Variants in FGF13 observed in about 807,000 individuals in gnomAD.
FGF13 encodes fibroblast growth factor homologous factor 2.
In FGF13, 2 loss-of-function variants were observed where a neutral mutation model predicts 19.5. That is an observed-to-expected ratio of 0.10 (90% CI 0.04 to 0.32). The LOEUF is 0.32. Ranked by LOEUF, FGF13 falls within the 10% of genes least tolerant of loss-of-function variation. The pLI, the probability that FGF13 is intolerant of heterozygous loss-of-function variation, is 1.00. For synonymous variants in FGF13, 72 were observed against 76.9 expected (o/e 0.94, Z 0.33); for missense variants, 113 against 192.7 (o/e 0.59, Z 2.45).
chrX:139,008,102 A>G (rs1222718728), intron 1 of FGF13, among the ~76,000 whole-genome samples: 1 of 112,100 alleles, frequency 8.9e-6, no homozygotes, highest in Admixed American at 9.4e-5. Flanking sequence ...TATAACTCCA[A>G]TGGACTGGGA....
intron 3 of FGF13, among the ~76,000 whole-genome samples, chrX:138,643,585 C>T (rs1297631907): frequency 1.8e-5 from 2 of 111,864 alleles, no homozygotes; most frequent in African/African-American, 3.3e-5. Flanking sequence ...ATTGTTTAGG[C>T]AATCCAATTA....
chrX:138,791,304 C>T (rs181825848), intron 3 of FGF13, among the ~76,000 whole-genome samples: 1 of 111,859 alleles, frequency 8.9e-6, no homozygotes, highest in African/African-American at 3.2e-5. Flanking sequence ...AGAACCAATC[C>T]TTCATAAGTA....
intron 1 of FGF13, among the ~76,000 whole-genome samples, chrX:138,868,107 G>C (rs751458181): frequency 8.9e-6 from 1 of 111,739 alleles, no homozygotes; most frequent in Non-Finnish European, 1.9e-5. Flanking sequence ...TGTTCAATAT[G>C]TGACTGGCTT....
At chrX:139,106,706 CA>C (rs1459797306) in intron 1 of FGF13, among the ~76,000 whole-genome samples, 2 of 112,211 alleles carry the variant, frequency 1.8e-5, no homozygotes, top group African/African-American at 6.5e-5. Context: ...GTTAGGATTC[CA>C]AATGTACCAA....
chrX:139,099,329 G>A (rs1397251502), intron 1 of FGF13, among the ~76,000 whole-genome samples: 2 of 98,477 alleles, frequency 2.0e-5, no homozygotes, highest in African/African-American at 3.8e-5. Context: ...AACTGGTTCT[G>A]TCTGAGGCTT....
chrX:139,116,575 T>C (rs2083640965), intron 1 of FGF13, among the ~76,000 whole-genome samples: 1 of 111,631 alleles, frequency 9.0e-6, no homozygotes, highest in Admixed American at 9.6e-5. Flanking sequence ...TCCCTTCTCA[T>C]TGCAAACCTA....
chrX:139,170,661 C>T (rs1353359916), intron 1 of FGF13, among the ~76,000 whole-genome samples: 1 of 111,602 alleles, frequency 9.0e-6, no homozygotes, highest in Non-Finnish European at 1.9e-5. Context: ...CCAGCTTTCA[C>T]ACCTTGGCAG....
At chrX:138,770,324 C>T (rs913329366) in intron 3 of FGF13, among the ~76,000 whole-genome samples, 3 of 110,930 alleles carry the variant, frequency 2.7e-5, no homozygotes, top group African/African-American at 9.9e-5. Context: ...ACCCTCAGCC[C>T]CCCACTTTTA....
intron 3 of FGF13, among the ~76,000 whole-genome samples, chrX:138,775,460 A>C (rs181260695): frequency 8.9e-6 from 1 of 111,847 alleles, no homozygotes; most frequent in Non-Finnish European, 1.9e-5. Context: ...GGTGTCTACA[A>C]CACCATTTTT....
intron 1 of FGF13, among the ~76,000 whole-genome samples, chrX:138,728,088 T>G (rs1253910277): frequency 9.0e-6 from 1 of 111,676 alleles, no homozygotes; most frequent in Non-Finnish European, 1.9e-5. Flanking sequence ...CAGTAAAATA[T>G]AAACACATTT....
intron 1 of FGF13, among the ~76,000 whole-genome samples, chrX:138,877,864 T>C (rs770268358): frequency 8.9e-6 from 1 of 112,460 alleles, no homozygotes; most frequent in Non-Finnish European, 1.9e-5. Context: ...TTTGAGCTAA[T>C]CGTGAGTAAC....
intron 1 of FGF13, among the ~76,000 whole-genome samples, chrX:139,075,621 G>A (rs1406104354): frequency 9.0e-6 from 1 of 111,546 alleles, no homozygotes; most frequent in Non-Finnish European, 1.9e-5. Flanking sequence ...GATGAAAGAA[G>A]GAACTGAAAT....
At chrX:139,189,591 A>C (rs1569462753) in intron 1 of FGF13, among the ~76,000 whole-genome samples, 1 of 112,171 alleles carries the variant, frequency 8.9e-6, no homozygotes, top group African/African-American at 3.2e-5. Flanking sequence ...CAAAATGACA[A>C]ATAACTATAG....
chrX:139,177,695 AC>A (rs976341726), intron 1 of FGF13, among the ~76,000 whole-genome samples: 2 of 111,157 alleles, frequency 1.8e-5, no homozygotes, highest in Non-Finnish European at 3.8e-5. Flanking sequence ...CAGCTAGACC[AC>A]CTAGCTCCCT....
At chrX:138,706,554 A>C in intron 2 of FGF13, among the ~76,000 whole-genome samples, 1 of 112,367 alleles carries the variant, frequency 8.9e-6, no homozygotes, top group African/African-American at 3.2e-5. Context: ...GGTTAATAAA[A>C]ATAAGAAGAG....
chrX:139,131,677 C>T (rs1003456950), intron 1 of FGF13, among the ~76,000 whole-genome samples: 4 of 111,012 alleles, frequency 3.6e-5, no homozygotes, highest in African/African-American at 9.8e-5. Flanking sequence ...ATCAAGACTG[C>T]GGTGAGCCAT....
intron 1 of FGF13, among the ~76,000 whole-genome samples, chrX:139,100,058 A>T (rs2083499000): frequency 9.6e-6 from 1 of 104,220 alleles, no homozygotes; most frequent in Non-Finnish European, 1.9e-5. Flanking sequence ...ACACACACAC[A>T]CACACACACA....
rs762872228 is a variant in FGF13 at position 139,124,507 on chromosome X, G to A, written c.-113+78909C>T. On this transcript the variant is annotated intron_variant, in intron 1 of 2. Coordinates refer to the FGF13 transcript ENST00000421460. Reference sequence around the variant, plus strand: ...TACTTTTGATGTCCAGATCATACCCGCCTTGCAACACAGGGCCTACAAGTG... The same window carrying A: ...TACTTTTGATGTCCAGATCATACCCACCTTGCAACACAGGGCCTACAAGTG... Among the ~76,000 whole-genome samples the A allele has an allele frequency of 5.4e-5, 6 of 111,240 alleles. No individual in the cohort carries two copies. The South Asian group carries it at 1.9e-3, about 35-fold the overall frequency.
At chrX:139,019,728 TATG>T (rs1401917377) in intron 1 of FGF13, among the ~76,000 whole-genome samples, 2 of 110,462 alleles carry the variant, frequency 1.8e-5, no homozygotes, top group Non-Finnish European at 3.8e-5. Context: ...CCTAGATAAA[TATG>T]ATGTGTATAT....
Sources: gnomAD v4.1 joint callset for allele counts (sites outside exome capture counted in the v4.1 genomes callset) on GRCh38, gnomAD v4.1.1 for gene constraint, MANE v1.5 for transcripts, NCBI Gene and HGNC (gene_info 2026-07-23, HGNC 2026-07-21) for gene names.